UBXN7: variants seen among roughly 807,000 people sequenced by gnomAD.
UBXN7 encodes the protein UBX domain protein 7.
UBXN7 carries 9 observed loss-of-function variants against 58.0 expected under a neutral mutation model. That is an observed-to-expected ratio of 0.16 (90% confidence interval 0.09 to 0.27). The LOEUF (loss-of-function observed/expected upper bound fraction) is 0.27. UBXN7 is among the 10% of genes least tolerant of loss of function. The probability of loss-of-function intolerance (pLI) is 1.00; values close to 1 mark genes in which losing one functional copy is unlikely to be tolerated. For missense variants in UBXN7, 328 were observed against 599.6 expected, an observed-to-expected ratio of 0.55 and a Z score of 4.73; for synonymous variants, 208 against 205.0, an observed-to-expected ratio of 1.01 and a Z score of -0.12.
At chr3:196,401,705 G>A (rs928527520) in intron 3 of UBXN7, among the ~76,000 whole-genome samples, 4 of 147,822 alleles carry the variant, frequency 2.7e-5, no homozygotes, top group African/African-American at 1.0e-4. Context: ...GAGGCCAGAG[G>A]ATCGCTTGAG....
intron 1 of UBXN7, among the ~76,000 whole-genome samples, chr3:196,422,364 C>T (rs1730716124): frequency 1.3e-5 from 2 of 151,788 alleles, no homozygotes; most frequent in African/African-American, 4.8e-5. Context: ...GCCTGTAGTC[C>T]CAGCTACTCA....
intron 1 of UBXN7, among the ~76,000 whole-genome samples, chr3:196,422,090 C>G (rs1165128960): frequency 6.6e-6 from 1 of 152,046 alleles, no homozygotes; most frequent in Non-Finnish European, 1.5e-5. Context: ...GTCCCAGCTA[C>G]TTGGGAGGGT....
At chr3:196,391,979 A>C in intron 4 of UBXN7, 54 bp from the exon 5 acceptor site, 23 of 98,636 alleles carry the variant, frequency 2.3e-4, no homozygotes, top group Non-Finnish European at 2.8e-4. Flanking sequence ...AATCACACTG[A>C]AAAAAAAAAA....
intron 6 of UBXN7, among the ~76,000 whole-genome samples, chr3:196,371,061 T>A (rs1314845200): frequency 6.6e-6 from 1 of 152,098 alleles, no homozygotes; most frequent in East Asian, 1.9e-4. Flanking sequence ...TGTAACCTTA[T>A]CTCATTAGCT....
chr3:196,382,906 G>T (rs541886229), intron 5 of UBXN7, among the ~76,000 whole-genome samples: 1 of 152,258 alleles, frequency 6.6e-6, no homozygotes, highest in Admixed American at 6.5e-5. Flanking sequence ...ACGAGGTCAG[G>T]AGATCGAGAC....
At chr3:196,418,260 A>AGGAG (rs1183710328) in intron 1 of UBXN7, among the ~76,000 whole-genome samples, 1 of 147,104 alleles carries the variant, frequency 6.8e-6, no homozygotes, top group Non-Finnish European at 1.5e-5. Flanking sequence ...AAAAGAAGGA[A>AGGAG]GGAGGGAGGG....
intron 5 of UBXN7, among the ~76,000 whole-genome samples, chr3:196,378,614 A>T (rs901276136): frequency 6.6e-6 from 1 of 152,226 alleles, no homozygotes; most frequent in African/African-American, 2.4e-5. Context: ...CCGAGAACTG[A>T]GGGCTCCTCC....
At chr3:196,382,704 A>G (rs186315944) in intron 5 of UBXN7, among the ~76,000 whole-genome samples, 96 of 152,322 alleles carry the variant, frequency 6.3e-4, no homozygotes, top group African/African-American at 2.1e-3. Flanking sequence ...AAATTGGATA[A>G]AGAGTTAAGA....
intron 8 of UBXN7, among the ~76,000 whole-genome samples, chr3:196,364,578 T>C (rs558009382): frequency 6.7e-6 from 1 of 150,066 alleles, no homozygotes; most frequent in Non-Finnish European, 1.5e-5. Flanking sequence ...AAATTTTCCA[T>C]AATAAATAGG....
Position 196,354,052 on chromosome 3 carries a change from G to A in UBXN7, c.*2633C>T, listed in dbSNP as rs900902687. On this transcript the variant is annotated 3_prime_UTR_variant, in exon 11 of 11. Transcript: ENST00000296328. ...CATACTGTCAGCGGATTAAATTCTT[G>A]AGCAAGGCAATACTCCTTATGGATT... 2 of 152,100 alleles carry A rather than the reference G, an allele frequency of 1.3e-5. No individual in the cohort carries two copies. The highest frequency in any genetic ancestry group is 1.3e-4 in the Admixed American group (2 of 15,260). 9.4% of individuals were successfully genotyped at this position (152,100 alleles called of 1,614,324 possible). A position where few individuals can be genotyped will look rare whatever the true frequency, so the allele number is the denominator to read the frequency against.
At chr3:196,420,211 T>C (rs1730636187) in intron 1 of UBXN7, among the ~76,000 whole-genome samples, 1 of 152,166 alleles carries the variant, frequency 6.6e-6, no homozygotes, top group African/African-American at 2.4e-5. Flanking sequence ...AAGTTTACGA[T>C]TTAAACTATT....
chr3:196,401,248 CA>C (rs35766312), intron 3 of UBXN7, among the ~76,000 whole-genome samples: 2 of 2,268 alleles, frequency 8.8e-4, no homozygotes, highest in African/African-American at 3.0e-3. Flanking sequence ...CCCGTCTCTC[CA>C]AAAAAAAAAA....
intron 4 of UBXN7, among the ~76,000 whole-genome samples, chr3:196,392,790 G>A (rs1729629695): frequency 1.3e-5 from 2 of 152,098 alleles, no homozygotes; most frequent in South Asian, 2.1e-4. Context: ...GTGACAGAGC[G>A]AGACTCCATC....
intron 1 of UBXN7, among the ~76,000 whole-genome samples, chr3:196,411,017 C>A (rs1730307248): frequency 6.6e-6 from 1 of 152,144 alleles, no homozygotes; most frequent in Non-Finnish European, 1.5e-5. Context: ...TCCCCATCGT[C>A]CCCTCATCTA....
chr3:196,424,407 T>C (rs1294138155), intron 1 of UBXN7, among the ~76,000 whole-genome samples: 2 of 145,124 alleles, frequency 1.4e-5, no homozygotes, highest in African/African-American at 5.3e-5. Flanking sequence ...TTTTTTTTTT[T>C]TTTAAGAGAC....
At chr3:196,384,795 G>A (rs567286475) in intron 5 of UBXN7, among the ~76,000 whole-genome samples, 4 of 152,200 alleles carry the variant, frequency 2.6e-5, no homozygotes, top group East Asian at 1.9e-4. Flanking sequence ...TTGATGGAAC[G>A]TATCTCAAAA....
intron 8 of UBXN7, among the ~76,000 whole-genome samples, chr3:196,363,368 A>T (rs552959913): frequency 3.3e-5 from 5 of 151,840 alleles, no homozygotes; most frequent in African/African-American, 1.2e-4. Flanking sequence ...TTAAATATCA[A>T]AATGAAGGCC....
chr3:196,427,316 C>T (rs1730880255), intron 1 of UBXN7, among the ~76,000 whole-genome samples: 1 of 152,118 alleles, frequency 6.6e-6, no homozygotes, highest in South Asian at 2.1e-4. Context: ...CTCGCTTCAG[C>T]AGCACATATA....
At chr3:196,363,155 G>A (rs1448247646) in intron 8 of UBXN7, among the ~76,000 whole-genome samples, 4 of 151,022 alleles carry the variant, frequency 2.6e-5, no homozygotes, top group Admixed American at 1.3e-4. Context: ...TCCTGACCTC[G>A]GCCTCCCAAA....
Sources: allele counts gnomAD v4.1 joint callset (sites outside exome capture counted in the v4.1 genomes callset), GRCh38; gene constraint gnomAD v4.1.1; transcripts MANE v1.5; gene names NCBI Gene and HGNC (gene_info 2026-07-23, HGNC 2026-07-21).